Variants in MAP2K4 observed in about 807,000 individuals in gnomAD.
The protein encoded by MAP2K4 is dual specificity mitogen-activated protein kinase kinase 4.
A neutral mutation model predicts 48.5 loss-of-function variants in MAP2K4; 4 were observed. The ratio of observed to expected loss-of-function variants is 0.08; its 90% CI spans 0.04 to 0.19. The LOEUF is 0.19. Among genes scored for constraint, MAP2K4 ranks in the 10% least tolerant of loss-of-function variants. MAP2K4 has a pLI of 1.00. For synonymous variants in MAP2K4, 166 were observed against 173.1 expected (o/e 0.96, Z 0.32); for missense variants, 258 against 493.3 (o/e 0.52, Z 4.52).
At chr17:12,122,177 C>T (rs941889927) in intron 7 of MAP2K4, among the ~76,000 whole-genome samples, 5 of 152,206 alleles carry the variant, frequency 3.3e-5, no homozygotes, top group African/African-American at 4.8e-5. Flanking sequence ...CTATTCCGTT[C>T]ACCTTATCTT....
At chr17:12,096,091 C>G (rs977776983) in intron 4 of MAP2K4, among the ~76,000 whole-genome samples, 2 of 68,078 alleles carry the variant, frequency 2.9e-5, no homozygotes, top group South Asian at 1.9e-3. Flanking sequence ...CCCCCCCCGC[C>G]GCCAACTTTA....
chr17:12,073,844 C>G (rs1970903198), intron 2 of MAP2K4, among the ~76,000 whole-genome samples: 1 of 149,482 alleles, frequency 6.7e-6, no homozygotes, highest in Admixed American at 6.7e-5. Context: ...GTGATCTCGG[C>G]TCACTGGGAA....
intron 9 of MAP2K4, among the ~76,000 whole-genome samples, chr17:12,134,832 A>G (rs1282367266): frequency 1.3e-5 from 2 of 152,240 alleles, no homozygotes; most frequent in Non-Finnish European, 1.5e-5. Context: ...GTTACTTCAC[A>G]TTACTTTGGT....
At chr17:12,038,362 G>A (rs1969666490) in intron 1 of MAP2K4, among the ~76,000 whole-genome samples, 1 of 152,136 alleles carries the variant, frequency 6.6e-6, no homozygotes, top group African/African-American at 2.4e-5. Context: ...CCATCTTGGT[G>A]TTCATTTTCC....
In MAP2K4 at chr17:12,022,834, A is replaced by G. The variant is rs146556610; in HGVS notation, c.115+1833A>G. On this transcript the variant is annotated intron_variant, in intron 1 of 10. Transcript: ENST00000353533. ...AAGATAATAGAGGGCAGTCCGCTTG[A>G]TAAGATGGTCAGAGAAGGCTTGTCT... Among the ~76,000 whole-genome samples the G allele has an allele frequency of 1.6e-4, 25 of 152,360 alleles. No individual in the cohort carries two copies. In the East Asian group the frequency reaches 4.6e-3, roughly 28 times the overall value.
rs532111670 is a variant in MAP2K4, at chr17:12,081,479, T to C, written c.342T>C (p.Gly114=). 6.2e-7 allele frequency: 1 copy of C among 1,614,108 alleles called. No individual in the cohort carries two copies. Among genetic ancestry groups the C allele is most frequent in the East Asian group, 2.2e-5 (1 of 44,868 alleles). The change falls in exon 3 of 11, where the codon GGT becomes GGC. Residue 114 remains glycine, a synonymous_variant. Coordinates refer to ENST00000353533, the MANE Select transcript of MAP2K4 (RefSeq NM_003010.4). The surrounding 1 kb of genome is among the most constrained non-coding windows in gnomAD (Gnocchi z 4.2). ...GAGAAATTGGACGAGGAGCTTATGGTTCTGTCAACAAAATGGTCCACAAAC... is the reference window on the plus strand; with the variant it reads ...GAGAAATTGGACGAGGAGCTTATGGCTCTGTCAACAAAATGGTCCACAAAC... ...DLGEIGRGAY[G]SVNKMVHKPS... is the part of the protein sequence containing the mutation.
chr17:12,116,480 C>T (rs1157194758), intron 7 of MAP2K4, among the ~76,000 whole-genome samples: 1 of 152,066 alleles, frequency 6.6e-6, no homozygotes, highest in African/African-American at 2.4e-5. Flanking sequence ...TTACTTTATA[C>T]ACTTTTTAAT....
intron 6 of MAP2K4, among the ~76,000 whole-genome samples, chr17:12,112,465 C>CAA (rs11370279): frequency 0.014 from 1,178 of 86,352 alleles, 29 homozygotes; most frequent in African/African-American, 0.02. Flanking sequence ...ACTCTTGTCT[C>CAA]AAAAAAAAAA....
chr17:12,124,581 G>T (rs527566829), intron 7 of MAP2K4: 1 of 152,126 alleles, frequency 6.6e-6, no homozygotes, highest in Admixed American at 6.5e-5. Context: ...CTCATCCACC[G>T]AGCAAAGTCT....
chr17:12,114,667 G>A (rs1405054981), intron 7 of MAP2K4, among the ~76,000 whole-genome samples: 1 of 152,084 alleles, frequency 6.6e-6, no homozygotes, highest in Non-Finnish European at 1.5e-5. Flanking sequence ...TTTAGGGCTT[G>A]TCTCGATACT....
intron 7 of MAP2K4, among the ~76,000 whole-genome samples, chr17:12,123,125 T>C (rs1214563449): frequency 6.6e-6 from 1 of 152,188 alleles, no homozygotes; most frequent in Non-Finnish European, 1.5e-5. Context: ...GCTGGCCTCA[T>C]GAAATGAGTT....
intron 2 of MAP2K4, among the ~76,000 whole-genome samples, chr17:12,080,973 A>G (rs1005554757): frequency 2.0e-5 from 3 of 152,220 alleles, no homozygotes; most frequent in African/African-American, 7.2e-5. Flanking sequence ...TTTTCGCAAT[A>G]AGGTTTGCAG....
At chr17:12,025,061 G>T (rs115930970) in intron 1 of MAP2K4, among the ~76,000 whole-genome samples, 1 of 152,250 alleles carries the variant, frequency 6.6e-6, no homozygotes, top group Non-Finnish European at 1.5e-5. Context: ...GCATAGGCAG[G>T]ATGATTCCTT....
At chr17:12,068,668 A>C (rs969592356) in intron 2 of MAP2K4, among the ~76,000 whole-genome samples, 4 of 152,088 alleles carry the variant, frequency 2.6e-5, no homozygotes. Flanking sequence ...TAGGGGTCAT[A>C]GGGCAAGATC....
At chr17:12,060,229 G>T (rs1424969283) in intron 2 of MAP2K4, among the ~76,000 whole-genome samples, 1 of 151,958 alleles carries the variant, frequency 6.6e-6, no homozygotes, top group Non-Finnish European at 1.5e-5. Context: ...TAGGAGTCTG[G>T]ATTTCTATCC....
At chr17:12,108,787 T>G (rs1972210174) in intron 5 of MAP2K4, among the ~76,000 whole-genome samples, 1 of 152,038 alleles carries the variant, frequency 6.6e-6, no homozygotes, top group Non-Finnish European at 1.5e-5. Context: ...ATATACTCTT[T>G]CAAATAATTT....
intron 7 of MAP2K4, 192 bp from the exon 8 acceptor site, chr17:12,125,102 G>C (rs532315986): frequency 3.5e-6 from 2 of 570,380 alleles, no homozygotes; most frequent in Non-Finnish European, 6.3e-6. Context: ...TCTCTTTATG[G>C]AAGTAGCCAT....
At chr17:12,069,495 T>A (rs939332771) in intron 2 of MAP2K4, among the ~76,000 whole-genome samples, 1 of 152,202 alleles carries the variant, frequency 6.6e-6, no homozygotes, top group Non-Finnish European at 1.5e-5. Context: ...TTTCTTTGTA[T>A]GTCATAAATC....
chr17:12,076,649 G>A (rs931018417), intron 2 of MAP2K4, among the ~76,000 whole-genome samples: 2 of 152,042 alleles, frequency 1.3e-5, no homozygotes, highest in African/African-American at 4.8e-5. Flanking sequence ...CTATAATCTT[G>A]CATGTTTCGC....
Sources: gnomAD v4.1 joint callset for allele counts (sites outside exome capture counted in the v4.1 genomes callset) on GRCh38, gnomAD v4.1.1 for gene constraint, Gnocchi (gnomAD v3.1) non-coding constraint, MANE v1.5 for transcripts, NCBI Gene and HGNC (gene_info 2026-07-23, HGNC 2026-07-21) for gene names.